The following GPC3 variants were observed in gnomAD, a reference collection of about 807,000 sequenced individuals.
GPC3 encodes glypican 3, also known as glypican-3.
Under a neutral mutation model 34.4 loss-of-function variants are expected in GPC3, and 3 were observed. The observed-to-expected ratio is 0.09, with a 90% CI of 0.04 to 0.23. The LOEUF is 0.23. Ranked by LOEUF, GPC3 falls within the 10% of genes least tolerant of loss-of-function variation. The pLI is 1.00. For missense variants in GPC3, 351 were observed against 445.6 expected (o/e 0.79, Z 1.91); for synonymous variants, 177 against 174.0 (o/e 1.02, Z -0.13).
chrX:133,980,206 A>G (rs2076532687), intron 1 of GPC3, among the ~76,000 whole-genome samples: 1 of 112,216 alleles, frequency 8.9e-6, no homozygotes, highest in Non-Finnish European at 1.9e-5. Context: ...GGTACTCAAA[A>G]TTTAATAAGC....
At chrX:133,967,963 A>G (rs961750164) in intron 1 of GPC3, among the ~76,000 whole-genome samples, 3 of 112,408 alleles carry the variant, frequency 2.7e-5, no homozygotes, top group Non-Finnish European at 5.6e-5. Flanking sequence ...TGAAAGGGAA[A>G]TGGTGACACT....
chrX:133,945,016 C>A, intron 2 of GPC3, among the ~76,000 whole-genome samples: 1 of 111,846 alleles, frequency 8.9e-6, no homozygotes, highest in African/African-American at 3.2e-5. Context: ...GGTGTTTGCC[C>A]CTTCCAAGAG....
At chrX:133,932,935 T>G (rs893222457) in intron 2 of GPC3, among the ~76,000 whole-genome samples, 5 of 111,424 alleles carry the variant, frequency 4.5e-5, no homozygotes, top group African/African-American at 1.6e-4. Context: ...AAATGTGAAT[T>G]ACACATAATA....
intron 2 of GPC3, among the ~76,000 whole-genome samples, chrX:133,862,606 C>T (rs2075942990): frequency 9.1e-6 from 1 of 109,902 alleles, no homozygotes; most frequent in Non-Finnish European, 1.9e-5. Context: ...GGGAGAATCG[C>T]TTGAACCTAG....
intron 2 of GPC3, among the ~76,000 whole-genome samples, chrX:133,907,472 C>G (rs1309320350): frequency 9.0e-6 from 1 of 111,115 alleles, no homozygotes; most frequent in Non-Finnish European, 1.9e-5. Flanking sequence ...AATAATTGAT[C>G]ATCTCACCAC....
chrX:133,761,419 C>G (rs767418421), intron 2 of GPC3, among the ~76,000 whole-genome samples: 4 of 111,942 alleles, frequency 3.6e-5, no homozygotes, highest in Non-Finnish European at 7.5e-5. Flanking sequence ...TAAATATAAG[C>G]AATTTATTTG....
chrX:133,696,229 T>A (rs915721125), intron 4 of GPC3, among the ~76,000 whole-genome samples: 2 of 112,410 alleles, frequency 1.8e-5, no homozygotes, highest in African/African-American at 6.5e-5. Context: ...AGTGCAGACA[T>A]ACTGTTTTCG....
intron 2 of GPC3, among the ~76,000 whole-genome samples, chrX:133,894,021 T>C (rs1201303798): frequency 9.0e-6 from 1 of 110,965 alleles, no homozygotes; most frequent in East Asian, 2.8e-4. Context: ...TTTTGTATTT[T>C]TAGTAGAGAC....
At position 133,672,775 on chromosome X, in the gene GPC3, C is replaced by T. The variant is rs1330762881; in HGVS notation, c.1293-10925G>A. 3.8e-4 allele frequency among the ~76,000 whole-genome samples: 42 copies of T among 109,769 alleles called. No individual in the cohort carries two copies. The Admixed American group carries it at 4.1e-3, about 11-fold the overall frequency. ...ACGCCATTCTCCTGCCTCAGCCTCC[C>T]GAGTAGCTGGGACTACAGGCGCCCG... On this transcript the variant is annotated intron_variant, in intron 5 of 7. Transcript: ENST00000370818.
At chrX:133,666,431 G>A (rs2070768240) in intron 5 of GPC3, among the ~76,000 whole-genome samples, 1 of 112,508 alleles carries the variant, frequency 8.9e-6, no homozygotes, top group African/African-American at 3.2e-5. Context: ...TAGCTGCCCT[G>A]TGGCTTAGGC....
intron 5 of GPC3, among the ~76,000 whole-genome samples, chrX:133,680,618 C>T (rs959106652): frequency 8.9e-5 from 10 of 112,136 alleles, no homozygotes; most frequent in African/African-American, 2.6e-4. Context: ...AATTCATTGG[C>T]TTGAGAAATT....
intron 2 of GPC3, among the ~76,000 whole-genome samples, chrX:133,803,455 C>T (rs2075620574): frequency 1.8e-5 from 2 of 111,800 alleles, no homozygotes; most frequent in African/African-American, 6.5e-5. Flanking sequence ...GCAAAGGATT[C>T]GGACTCTTTG....
intron 2 of GPC3, among the ~76,000 whole-genome samples, chrX:133,872,670 A>G (rs187344110): frequency 8.9e-6 from 1 of 112,202 alleles, no homozygotes; most frequent in East Asian, 2.8e-4. Context: ...AAGTTTTCAC[A>G]ATTACTTAGA....
At chrX:133,753,296 G>A (rs1426831415) in intron 3 of GPC3, among the ~76,000 whole-genome samples, 186 bp downstream of exon 3, 2 of 111,588 alleles carry the variant, frequency 1.8e-5, no homozygotes, top group African/African-American at 6.5e-5. Context: ...AGTAGGTGGA[G>A]CCAGGCTTTA....
intron 2 of GPC3, among the ~76,000 whole-genome samples, chrX:133,912,099 C>A (rs1457641923): frequency 1.8e-5 from 2 of 112,245 alleles, no homozygotes; most frequent in Non-Finnish European, 3.8e-5. Context: ...GTTATGAATA[C>A]TAACTACCAT....
chrX:133,865,300 G>C (rs894991557), intron 2 of GPC3, among the ~76,000 whole-genome samples: 13 of 112,167 alleles, frequency 1.2e-4, no homozygotes, highest in African/African-American at 4.2e-4. Context: ...TTACATATAA[G>C]CAACAAAACA....
intron 2 of GPC3, among the ~76,000 whole-genome samples, chrX:133,951,267 C>T (rs750916426): frequency 6.1e-4 from 67 of 110,558 alleles, no homozygotes; most frequent in South Asian, 1.6e-3. Flanking sequence ...CCTAGTCTCA[C>T]ATTTTTGCAG....
intron 3 of GPC3, among the ~76,000 whole-genome samples, chrX:133,710,953 T>C (rs761739271): frequency 8.9e-6 from 1 of 112,074 alleles, no homozygotes; most frequent in East Asian, 2.8e-4. Context: ...AATGTGCAGA[T>C]TAAAAGAGAA....
chrX:133,623,853 T>G (rs1029112473), intron 6 of GPC3, among the ~76,000 whole-genome samples: 5 of 111,845 alleles, frequency 4.5e-5, no homozygotes, highest in African/African-American at 9.7e-5. Flanking sequence ...CAACAGAATA[T>G]ACATTCTTCT....
Sources: allele counts gnomAD v4.1 joint callset (sites outside exome capture counted in the v4.1 genomes callset), GRCh38; gene constraint gnomAD v4.1.1; transcripts MANE v1.5; gene names NCBI Gene and HGNC (gene_info 2026-07-23, HGNC 2026-07-21).